The following DNAH17 variants were observed in gnomAD, a reference collection of about 807,000 sequenced individuals.
The protein encoded by DNAH17 is axonemal beta dynein heavy chain 17.
A neutral mutation model predicts 485.6 loss-of-function variants in DNAH17; 376 were observed. The ratio of observed to expected loss-of-function variants is 0.77; its 90% CI spans 0.71 to 0.84. DNAH17 has a LOEUF of 0.84. DNAH17 is among the 40% of genes least tolerant of loss of function. The pLI, the probability that DNAH17 is intolerant of heterozygous loss-of-function variation, is 0.00. For missense variants in DNAH17, 6,370 were observed against 5,839.3 expected (o/e 1.09, Z -2.96); for synonymous variants, 3,031 against 2,405.9 (o/e 1.26, Z -7.60).
chr17:78,552,871 G>A (rs1420639898), intron 14 of DNAH17, 66 bp from the exon 15 acceptor site: 1 of 1,129,370 alleles, frequency 8.9e-7, no homozygotes, highest in African/African-American at 1.5e-5. Context: ...CTCTGGTAAG[G>A]ACCTTTTATT....
rs775538436 is a variant in DNAH17, at chr17:78,444,684, C to T, written c.11448G>A (p.Lys3816=). ...GCAGGGCCGTCTTGTTCTTCCACTC[C>T]TTGGGGAAGATCTCCTTCTCGGGGG... The part of the protein sequence containing the change: ...SEAPEKEIFP[K]EWKNKTALQK... Residue 3816 remains lysine, a synonymous_variant, in exon 71 of 81, where the codon AAG becomes AAA. Transcript: ENST00000389840. The T allele has an allele frequency of 1.2e-6, 2 of 1,610,700 alleles. No homozygotes were observed. The highest frequency in any genetic ancestry group is 1.1e-5 in the South Asian group (1 of 90,654).
chr17:78,525,208 G>A (rs1568196515), intron 24 of DNAH17, 47 bp from the exon 25 acceptor site: 2 of 1,592,736 alleles, frequency 1.3e-6, no homozygotes, highest in South Asian at 2.2e-5. Flanking sequence ...ACCCTCAGCG[G>A]TGCCCCACCC....
chr17:78,532,179 C>T (rs957390085), intron 20 of DNAH17, among the ~76,000 whole-genome samples: 3 of 152,200 alleles, frequency 2.0e-5, no homozygotes, highest in Non-Finnish European at 4.4e-5. Flanking sequence ...GACCTCTGCC[C>T]ATTCCTTCCC....
chr17:78,426,933 C>T lies in DNAH17; in HGVS notation c.12764G>A (p.Gly4255Glu), dbSNP rs1365852267. The change falls in exon 78 of 81, where the codon GGG becomes GAG. Residue 4255 changes from glycine (G) to glutamate (E), a missense_variant. Physicochemically the swap from Gly to Glu is moderately conservative, Grantham distance 98. Transcript: ENST00000389840. ...GGGCTGACCCATGTTTACCTTCAGC[C>T]CCAGGTTCAGCTCCTTGAGCGAACG... ...MRRSLKELNL[G>E]LKGELTITTD... is the part of the protein sequence containing the mutation. The T allele has an allele frequency of 1.9e-6, 3 of 1,604,072 alleles. No individual in the cohort carries two copies. Among genetic ancestry groups the T allele is most frequent in the Admixed American group, 3.4e-5 (2 of 58,550 alleles).
At chr17:78,478,866 A>G in intron 51 of DNAH17, 159 bp downstream of exon 51, 1 of 633,706 alleles carries the variant, frequency 1.6e-6, no homozygotes. Flanking sequence ...CACTGTCACC[A>G]CCACCATTAC....
At chr17:78,441,266 G>A in intron 71 of DNAH17, 67 bp from the exon 72 acceptor site, 1 of 1,581,728 alleles carries the variant, frequency 6.3e-7, no homozygotes, top group African/African-American at 1.3e-5. Context: ...CGCTCGGGGT[G>A]GGCTGTGGCC....
At position 78,460,264 on chromosome 17, in the gene DNAH17, G is replaced by C. The variant is rs1245138436; in HGVS notation, c.9340-7C>G. 2.5e-6 allele frequency: 4 copies of C among 1,591,808 alleles called. No individual in the cohort carries two copies. The highest frequency in any genetic ancestry group is 3.4e-6 in the Non-Finnish European group (4 of 1,168,086). ...TTTGCTTCTCAGTGACGTTCTGGAA[G>C]GAAGATGGACAGGAGAGGTTACTGC... is the stretch of plus-strand genomic sequence containing the variant. On this transcript the variant is annotated splice_polypyrimidine_tract_variant and splice_region_variant and intron_variant, in intron 58 of 80. Transcript: ENST00000389840.
At position 78,532,668 on chromosome 17, in the gene DNAH17, G is replaced by T. The variant is rs374986588; in HGVS notation, c.2928C>A (p.Ala976=). 1.3e-6 allele frequency: 2 copies of T among 1,594,666 alleles called. No individual in the cohort carries two copies. Among genetic ancestry groups the T allele is most frequent in the South Asian group, 2.3e-5 (2 of 87,960 alleles). ...REEVSSLVIN[A]MKEAEEYQDS... is the part of the protein sequence containing the mutation. ...CCTGGTACTCCTCGGCCTCCTTCATGGCATTGATGACCAGGCTGGACACCT... is the reference window on the plus strand; with the variant it reads ...CCTGGTACTCCTCGGCCTCCTTCATTGCATTGATGACCAGGCTGGACACCT... Residue 976 remains alanine, a synonymous_variant, in exon 20 of 81, where the codon GCC becomes GCA. Transcript: ENST00000389840.
chr17:78,525,172 C>T lies in DNAH17; in HGVS notation c.3712-11G>A, dbSNP rs769798434. ...GATGCTCTTTTGTTGCTAGGGGCGG[C>T]GAGGGGGCCGTCAGTAGGGCTACCT... is the stretch of plus-strand genomic sequence containing the variant. On this transcript the variant is annotated splice_polypyrimidine_tract_variant and intron_variant, in intron 24 of 80. Coordinates refer to ENST00000389840, the MANE Select transcript of DNAH17 (RefSeq NM_173628.4). 14 of 1,609,850 alleles carry T rather than the reference C, an allele frequency of 8.7e-6. No individual in the cohort carries two copies. The Admixed American group carries it at 1.0e-4, about 12-fold the overall frequency.
intron 48 of DNAH17, among the ~76,000 whole-genome samples, chr17:78,483,244 C>A (rs1408834027): frequency 1.3e-5 from 2 of 152,244 alleles, no homozygotes; most frequent in African/African-American, 4.8e-5. Context: ...TCACAGCCTG[C>A]AGCCCAGAGT....
Position 78,485,992 on chromosome 17 carries a change from A to T in DNAH17, c.7243T>A (p.Ser2415Thr), listed in dbSNP as rs1159696525. Residue 2415 changes from serine (S) to threonine (T), a missense_variant, in exon 46 of 81, where the codon TCC becomes ACC. By Grantham distance (58) the Ser-to-Thr change is moderately conservative. Transcript: ENST00000389840. ...GGGACATCGGGATCCAGCTCAAAGG[A>T]GGGCACTTTATCTGTCCAGGGCAGG... Reference protein sequence around the residue: ...KFLPWTDKVPSFELDPDVPLQ... With the variant: ...KFLPWTDKVPTFELDPDVPLQ... 6.2e-7 allele frequency: 1 copy of T among 1,613,340 alleles called. No individual in the cohort carries two copies. The highest frequency in any genetic ancestry group is 1.7e-5 in the Admixed American group (1 of 59,960).
intron 44 of DNAH17, among the ~76,000 whole-genome samples, chr17:78,489,842 G>GGTGA (rs1178214292): frequency 1.3e-5 from 2 of 150,854 alleles, no homozygotes; most frequent in Admixed American, 6.6e-5. Flanking sequence ...TGAATGGATG[G>GGTGA]GTGAGTGGGT....
chr17:78,527,007 C>A lies in DNAH17; in HGVS notation c.3508-11G>T. The A allele has an allele frequency of 5.1e-6, 8 of 1,555,934 alleles. No individual in the cohort carries two copies. Among genetic ancestry groups the A allele is most frequent in the Non-Finnish European group, 6.1e-6 (7 of 1,149,082 alleles). On this transcript the variant is annotated splice_polypyrimidine_tract_variant and intron_variant, in intron 22 of 80. Coordinates refer to ENST00000389840, the MANE Select transcript of DNAH17 (RefSeq NM_173628.4). ...GTGCTCCGGCAGCTCCTGCGGGAAGCAAAGGCAGAGGAGGGCTCCTTTCTC... is the reference window on the plus strand; with the variant it reads ...GTGCTCCGGCAGCTCCTGCGGGAAGAAAAGGCAGAGGAGGGCTCCTTTCTC...
At chr17:78,542,309 G>A (rs1023249729) in intron 17 of DNAH17, among the ~76,000 whole-genome samples, 3 of 151,856 alleles carry the variant, frequency 2.0e-5, no homozygotes, top group African/African-American at 4.8e-5. Context: ...CACTATACCT[G>A]GCTAATTTTT....
chr17:78,444,269 C>A (rs2087187087), intron 71 of DNAH17, among the ~76,000 whole-genome samples: 1 of 152,146 alleles, frequency 6.6e-6, no homozygotes, highest in African/African-American at 2.4e-5. Flanking sequence ...TGTGGGGAGT[C>A]TTTTCTTCCT....
intron 25 of DNAH17, among the ~76,000 whole-genome samples, chr17:78,524,029 C>T (rs961986768): frequency 1.3e-5 from 2 of 152,190 alleles, no homozygotes; most frequent in Non-Finnish European, 2.9e-5. Context: ...CTGAATATTC[C>T]CCCCAAAATT....
chr17:78,555,578 G>A (rs924299809), intron 14 of DNAH17, among the ~76,000 whole-genome samples: 2 of 143,624 alleles, frequency 1.4e-5, no homozygotes, highest in Non-Finnish European at 3.0e-5. Context: ...AGGCAAGAAG[G>A]TCAAAAGAGA....
chr17:78,465,194 G>C (rs2088360350), intron 56 of DNAH17, among the ~76,000 whole-genome samples: 1 of 152,230 alleles, frequency 6.6e-6, no homozygotes, highest in East Asian at 1.9e-4. Flanking sequence ...GGCCTCCCGA[G>C]GTGCCGGGAT....
At chr17:78,428,779 A>G (rs2146416574) in intron 76 of DNAH17, 72 bp from the exon 77 acceptor site, 4 of 1,557,852 alleles carry the variant, frequency 2.6e-6, no homozygotes, top group Non-Finnish European at 3.5e-6. Context: ...TTGGTTAAGC[A>G]TTCCTTGCCA....
Sources: allele counts gnomAD v4.1 joint callset (sites outside exome capture counted in the v4.1 genomes callset), GRCh38; gene constraint gnomAD v4.1.1; transcripts MANE v1.5; gene names NCBI Gene and HGNC (gene_info 2026-07-23, HGNC 2026-07-21).